WDR72: variants seen among roughly 807,000 people sequenced by gnomAD.
WDR72 encodes WD repeat-containing protein 72.
In WDR72, 120 loss-of-function variants were observed where a neutral mutation model predicts 124.2. That is an observed-to-expected ratio of 0.97 (90% CI 0.83 to 1.12). The LOEUF (loss-of-function observed/expected upper bound fraction) is 1.12, where lower values mean the gene tolerates loss of function less well. Among genes scored for constraint, WDR72 ranks in the 50% most tolerant of loss-of-function variants. The probability of loss-of-function intolerance (pLI) is 0.00; values close to 1 mark genes in which losing one functional copy is unlikely to be tolerated. For missense variants in WDR72, 1,387 were observed against 1,278.8 expected (o/e 1.08, Z -1.29); for synonymous variants, 452 against 441.7 (o/e 1.02, Z -0.29).
intron 1 of WDR72, among the ~76,000 whole-genome samples, chr15:53,737,878 A>G (rs1305540801): frequency 6.6e-6 from 1 of 152,206 alleles, no homozygotes; most frequent in Non-Finnish European, 1.5e-5. Context: ...CGCATACAAC[A>G]TTTATAAAAC....
At chr15:53,760,442 C>T (rs62005965), upstream of WDR72, among the ~76,000 whole-genome samples, 3 of 151,664 alleles carry the variant, frequency 2.0e-5, no homozygotes, top group Non-Finnish European at 4.4e-5. Flanking sequence ...GTTTGTCTTT[C>T]GGTGCCTGGG....
chr15:53,675,266 C>G (rs1279541029), intron 13 of WDR72, among the ~76,000 whole-genome samples: 1 of 151,256 alleles, frequency 6.6e-6, no homozygotes, highest in African/African-American at 2.4e-5. Flanking sequence ...TCGCTTGAAC[C>G]TGGAAGGCGG....
chr15:53,689,276 G>A (rs2016754011), intron 13 of WDR72, among the ~76,000 whole-genome samples: 2 of 150,220 alleles, frequency 1.3e-5, no homozygotes, highest in Admixed American at 6.6e-5. Context: ...GAGTGAGCAG[G>A]CAACCTACAA....
intron 13 of WDR72, among the ~76,000 whole-genome samples, chr15:53,671,083 AT>A (rs1415317388): frequency 1.3e-5 from 2 of 152,188 alleles, no homozygotes; most frequent in Non-Finnish European, 2.9e-5. Context: ...TAAAGGCTAG[AT>A]AATACTTCTT....
At chr15:53,538,752 G>T (rs1892900376) in intron 18 of WDR72, among the ~76,000 whole-genome samples, 2 of 152,056 alleles carry the variant, frequency 1.3e-5, no homozygotes, top group Admixed American at 1.3e-4. Flanking sequence ...ACCCGCCCTG[G>T]CTCACCCACC....
chr15:53,611,551 A>G (rs1318887896), intron 16 of WDR72, among the ~76,000 whole-genome samples: 2 of 152,152 alleles, frequency 1.3e-5, no homozygotes, highest in East Asian at 3.9e-4. Context: ...AAGAGTAACT[A>G]TCTAAGGAGA....
intron 1 of WDR72, among the ~76,000 whole-genome samples, chr15:53,753,547 G>T (rs922121948): frequency 6.6e-6 from 1 of 152,192 alleles, no homozygotes; most frequent in African/African-American, 2.4e-5. Flanking sequence ...AGGAACCATA[G>T]CCTTTGTAGC....
intron 12 of WDR72, among the ~76,000 whole-genome samples, chr15:53,700,507 T>C (rs1043834048): frequency 1.3e-5 from 2 of 152,140 alleles, no homozygotes; most frequent in Non-Finnish European, 1.5e-5. Flanking sequence ...GGACCAAAAA[T>C]AGGCTCCCAG....
At chr15:53,630,644 G>GA (rs1289368459) in intron 14 of WDR72, among the ~76,000 whole-genome samples, 1 of 152,052 alleles carries the variant, frequency 6.6e-6, no homozygotes, top group Non-Finnish European at 1.5e-5. Context: ...AAAAGCATTT[G>GA]AAAAAATCAA....
intron 13 of WDR72, among the ~76,000 whole-genome samples, chr15:53,696,413 C>G (rs1164430299): frequency 6.6e-6 from 1 of 152,120 alleles, no homozygotes; most frequent in Admixed American, 6.5e-5. Context: ...CAGTCAGGAT[C>G]TAAGAGCCAT....
In WDR72 at chr15:53,555,846, G is replaced by A. The variant is rs999515644; in HGVS notation, c.3149-32524C>T. 2.6e-5 allele frequency among the ~76,000 whole-genome samples: 4 copies of A among 151,974 alleles called. 1 individual carries two copies. Among genetic ancestry groups the A allele is most frequent in the Non-Finnish European group, 5.9e-5 (4 of 67,970 alleles). On this transcript the variant is annotated intron_variant, in intron 18 of 19. Transcript: ENST00000360509. ...CATCCATTACCTAAAAAGTCTTATA[G>A]CACTCCTTCAGAAGAAAGGGCTATT...
chr15:53,681,216 C>A (rs1036581431), intron 13 of WDR72, among the ~76,000 whole-genome samples: 2 of 152,172 alleles, frequency 1.3e-5, no homozygotes, highest in African/African-American at 2.4e-5. Flanking sequence ...CTGAGTCTTG[C>A]GTTTCCAATT....
intron 18 of WDR72, among the ~76,000 whole-genome samples, chr15:53,548,152 T>A (rs1893567948): frequency 6.6e-6 from 1 of 152,194 alleles, no homozygotes; most frequent in African/African-American, 2.4e-5. Flanking sequence ...CTCCCTATAG[T>A]AATTTAGAGC....
intron 18 of WDR72, among the ~76,000 whole-genome samples, chr15:53,558,123 C>T (rs767941779): frequency 6.6e-6 from 1 of 152,024 alleles, no homozygotes; most frequent in Non-Finnish European, 1.5e-5. Context: ...CACAGCTCCA[C>T]TTCTACTATA....
At chr15:53,743,072 C>T (rs1033753078) in intron 1 of WDR72, among the ~76,000 whole-genome samples, 2 of 151,792 alleles carry the variant, frequency 1.3e-5, no homozygotes, top group Admixed American at 6.6e-5. Context: ...AAGCTCACAG[C>T]CAGTAGGTAA....
chr15:53,633,448 A>C (rs1042326606), intron 14 of WDR72, among the ~76,000 whole-genome samples: 2 of 152,212 alleles, frequency 1.3e-5, no homozygotes, highest in Non-Finnish European at 2.9e-5. Context: ...TAAATTATCC[A>C]GTCTCAGTTA....
chr15:53,711,128 A>T (rs1166752896), intron 8 of WDR72, among the ~76,000 whole-genome samples, 175 bp from the exon 9 acceptor site: 1 of 152,218 alleles, frequency 6.6e-6, no homozygotes, highest in Admixed American at 6.5e-5. Context: ...CAGCTGTACA[A>T]GTTATACATG....
At chr15:53,638,580 C>CTTTTT (rs3081298) in intron 14 of WDR72, among the ~76,000 whole-genome samples, 4 of 125,852 alleles carry the variant, frequency 3.2e-5, no homozygotes, top group African/African-American at 1.2e-4. Flanking sequence ...TAATCACATT[C>CTTTTT]TTTTTTTTTT....
At chr15:53,547,648 CT>C (rs1341972000) in intron 18 of WDR72, among the ~76,000 whole-genome samples, 2 of 152,106 alleles carry the variant, frequency 1.3e-5, no homozygotes, top group Non-Finnish European at 2.9e-5. Flanking sequence ...CTACACCAGC[CT>C]TTTTTGGTTG....
Sources: gnomAD v4.1 joint callset for allele counts (sites outside exome capture counted in the v4.1 genomes callset) on GRCh38, gnomAD v4.1.1 for gene constraint, MANE v1.5 for transcripts, NCBI Gene and HGNC (gene_info 2026-07-23, HGNC 2026-07-21) for gene names.